RAB35: variants seen among roughly 807,000 people sequenced by gnomAD.
RAB35 encodes the protein RAB35, member RAS oncogene family, also known as ras-related protein Rab-35.
RAB35 carries 4 observed loss-of-function variants against 28.9 expected under a neutral mutation model. The ratio of observed to expected loss-of-function variants is 0.14; its 90% confidence interval spans 0.07 to 0.32. The LOEUF (loss-of-function observed/expected upper bound fraction) is 0.32. Ranked by LOEUF, RAB35 falls within the 10% of genes least tolerant of loss-of-function variation. The probability of loss-of-function intolerance (pLI) is 1.00; values close to 1 mark genes in which losing one functional copy is unlikely to be tolerated. For missense variants in RAB35, 128 were observed against 274.0 expected (o/e 0.47, Z 3.76); for synonymous variants, 99 against 105.1 (o/e 0.94, Z 0.35).
chr12:120,099,373 A>C, intron 3 of RAB35: 1 of 612,626 alleles, frequency 1.6e-6, no homozygotes, highest in Non-Finnish European at 2.8e-6. Context: ...CGGGGCACCA[A>C]CAGGGCGGGA....
rs1419839490 is a variant in RAB35, at chr12:120,097,384, G to C, written c.478-11C>G. 20 of 1,605,022 alleles carry C rather than the reference G, an allele frequency of 1.2e-5. No homozygotes were observed. Among genetic ancestry groups the C allele is most frequent in the Non-Finnish European group, 1.5e-5 (18 of 1,175,146 alleles). ...GATGCAGTTGAACATCTGTGGAGAGGAAAGAGGAAGGGCCCGCCTCAGACC... is the reference window on the plus strand; with the variant it reads ...GATGCAGTTGAACATCTGTGGAGAGCAAAGAGGAAGGGCCCGCCTCAGACC... On this transcript the variant is annotated splice_polypyrimidine_tract_variant and intron_variant, in intron 5 of 5. Coordinates refer to ENST00000229340, the MANE Select transcript of RAB35 (RefSeq NM_006861.7).
Position 120,096,224 on chromosome 12 carries a change from C to A in RAB35, c.*1021G>T. The stretch of plus-strand genomic sequence containing the variant: ...CAACTCGGACAAGGGTGGGAGGCCC[C>A]TTCTCCGCTCCCACCAAGAAAGCCC... On this transcript the variant is annotated 3_prime_UTR_variant, in exon 6 of 6. Transcript: ENST00000229340. 1 of 385,876 alleles carries A rather than the reference C, an allele frequency of 2.6e-6. No individual in the cohort carries two copies. The highest frequency in any genetic ancestry group is 4.7e-6 in the Non-Finnish European group (1 of 210,676). The allele number at this position is 385,876 out of a possible 1,614,324, so 23.9% of individuals were successfully genotyped here. A position where few individuals can be genotyped will look rare whatever the true frequency, so the allele number is the denominator to read the frequency against.
At chr12:120,108,127 C>T (rs764995694) in intron 2 of RAB35, among the ~76,000 whole-genome samples, 6 of 152,040 alleles carry the variant, frequency 3.9e-5, no homozygotes, top group African/African-American at 7.2e-5. Context: ...GACTGTGTCC[C>T]GGGTGGCACC....
At chr12:120,104,465 G>A (rs1594240853) in intron 2 of RAB35, among the ~76,000 whole-genome samples, 1 of 152,212 alleles carries the variant, frequency 6.6e-6, no homozygotes, top group Admixed American at 6.5e-5. Flanking sequence ...GTCACATGAG[G>A]TCAAGCCTGC....
At position 120,116,660 on chromosome 12, in the gene RAB35, G is replaced by T. The variant is rs1304522418; in HGVS notation, c.-10C>A. The stretch of plus-strand genomic sequence containing the variant: ...CGTAGTCCCGGGCCATGGCGGGCGG[G>T]GGCGGTGCGCGCGGGCGGGCGGGGT... On this transcript the variant is annotated 5_prime_UTR_variant, in exon 1 of 6. Coordinates refer to ENST00000229340, the MANE Select transcript of RAB35 (RefSeq NM_006861.7). 4 of 1,224,432 alleles carry T rather than the reference G, an allele frequency of 3.3e-6. No individual in the cohort carries two copies. In the African/African-American group the frequency reaches 6.2e-5, roughly 19 times the overall value. 75.8% of individuals were successfully genotyped at this position (1,224,432 alleles called of 1,614,324 possible).
chr12:120,112,623 C>A (rs888980524), intron 1 of RAB35, among the ~76,000 whole-genome samples: 10 of 150,934 alleles, frequency 6.6e-5, no homozygotes, highest in African/African-American at 1.7e-4. Flanking sequence ...TGAGACAGGG[C>A]CTCCCTATGT....
rs1875758237 is a variant in RAB35 at position 120,103,840 on chromosome 12, G to A, written c.213C>T (p.Arg71=). The part of the protein sequence containing the change: ...IWDTAGQERF[R]TITSTYYRGT... ...TGTGGACTCACGTGGAGGTGATGGT[G>A]CGGAAGCGCTCCTGCCCCGCTGTGT... Residue 71 remains arginine, a synonymous_variant, in exon 3 of 6, where the codon CGC becomes CGT. Transcript: ENST00000229340. The surrounding 1 kb of genome is among the most constrained non-coding windows in gnomAD (Gnocchi z 6.1). 1 of 1,613,966 alleles carries A rather than the reference G, an allele frequency of 6.2e-7. No homozygotes were observed. The highest frequency in any genetic ancestry group is 1.3e-5 in the African/African-American group (1 of 74,932).
Position 120,096,466 on chromosome 12 carries a change from TA to T in RAB35, c.*778del, listed in dbSNP as rs1366164058. The T allele has an allele frequency of 1.6e-6, 2 of 1,289,782 alleles. No homozygotes were observed. Among genetic ancestry groups the T allele is most frequent in the African/African-American group, 3.0e-5 (2 of 65,910 alleles). The allele number at this position is 1,289,782 out of a possible 1,614,324, so 79.9% of individuals were successfully genotyped here. A position where few individuals can be genotyped will look rare whatever the true frequency, so the allele number is the denominator to read the frequency against. On this transcript the variant is annotated 3_prime_UTR_variant, in exon 6 of 6. Coordinates refer to ENST00000229340, the MANE Select transcript of RAB35 (RefSeq NM_006861.7). ...TGCCAGCCCCATCTCTGCACGAACC[TA>T]CCCCGACCTTTCTGTTGGAACTGAA... is the stretch of plus-strand genomic sequence containing the variant.
Position 120,097,060 on chromosome 12 carries a change from T to A in RAB35, c.*185A>T, listed in dbSNP as rs1289041682. ...GCACCAGTAGGGAAGGGCGGGCTGG[T>A]CCAACACCTTCTTGGCACTCGAGGA... On this transcript the variant is annotated 3_prime_UTR_variant, in exon 6 of 6. Transcript: ENST00000229340. 2 of 1,534,676 alleles carry A rather than the reference T, an allele frequency of 1.3e-6. No homozygotes were observed. Among genetic ancestry groups the A allele is most frequent in the Admixed American group, 2.0e-5 (1 of 51,128 alleles).
chr12:120,111,212 G>T (rs553454373), intron 1 of RAB35, among the ~76,000 whole-genome samples: 2 of 152,342 alleles, frequency 1.3e-5, no homozygotes, highest in African/African-American at 4.8e-5. Flanking sequence ...CACAGCAGGC[G>T]CCTAAGCAGG....
At chr12:120,114,643 A>G (rs1876256217) in intron 1 of RAB35, among the ~76,000 whole-genome samples, 2 of 152,194 alleles carry the variant, frequency 1.3e-5, no homozygotes, top group Non-Finnish European at 2.9e-5. Flanking sequence ...TGCACAACCT[A>G]CGCCTACATG....
chr12:120,104,667 A>G (rs1215538960), intron 2 of RAB35, among the ~76,000 whole-genome samples: 2 of 151,920 alleles, frequency 1.3e-5, no homozygotes, highest in Non-Finnish European at 2.9e-5. Flanking sequence ...GGGGGGGGAC[A>G]GCGTCTCATT....
At position 120,095,543 on chromosome 12, in the gene RAB35, A is replaced by C. The variant is rs1875342806; in HGVS notation, c.*1702T>G. On this transcript the variant is annotated 3_prime_UTR_variant, in exon 6 of 6. Transcript: ENST00000229340. Reference sequence around the variant, plus strand: ...GCCCGTGGCCAACCAGGACAGTCCCAAGGACGGAGACCCCGCTTCTGCTCC... The same window carrying C: ...GCCCGTGGCCAACCAGGACAGTCCCCAGGACGGAGACCCCGCTTCTGCTCC... The C allele has an allele frequency of 6.6e-6, 1 of 151,580 alleles. No homozygotes were observed. Among genetic ancestry groups the C allele is most frequent in the Non-Finnish European group, 1.5e-5 (1 of 68,070 alleles). The allele number at this position is 151,580 out of a possible 1,614,324, so 9.4% of individuals were successfully genotyped here.
rs895224371 is a variant in RAB35, at chr12:120,097,256, G to A, written c.595C>T (p.Arg199Cys). 1.9e-6 allele frequency: 3 copies of A among 1,613,970 alleles called. No homozygotes were observed. In the African/African-American group the frequency reaches 4.0e-5, roughly 22 times the overall value. ...TGGACTGGGTGCCATTAGCAGCAGC[G>A]TTTCTTTCGTTTACTGTTCTTCGTG... ...KLTKNSKRKKRCC is the reference protein window; with the variant it reads ...KLTKNSKRKKCCC The change falls in exon 6 of 6, where the codon CGC becomes TGC. Residue 199 changes from arginine to cysteine, a missense_variant. Coordinates refer to ENST00000229340, the MANE Select transcript of RAB35 (RefSeq NM_006861.7).
intron 1 of RAB35, among the ~76,000 whole-genome samples, chr12:120,109,356 G>C (rs1876019411): frequency 6.6e-6 from 1 of 152,186 alleles, no homozygotes; most frequent in Non-Finnish European, 1.5e-5. Flanking sequence ...GGGAGACTGA[G>C]GCAGGAGAAG....
intron 2 of RAB35, among the ~76,000 whole-genome samples, chr12:120,107,075 C>T (rs903225095): frequency 6.6e-6 from 1 of 151,868 alleles, no homozygotes; most frequent in African/African-American, 2.4e-5. Context: ...TGCAACCTCC[C>T]TCTCCCGGAT....
At chr12:120,102,108 G>A (rs1333162532) in intron 3 of RAB35, among the ~76,000 whole-genome samples, 6 of 152,160 alleles carry the variant, frequency 3.9e-5, no homozygotes, top group South Asian at 2.1e-4. Flanking sequence ...GCAGGGCCTC[G>A]GCAGACTCAG....
At position 120,097,169 on chromosome 12, in the gene RAB35, G is replaced by C; in HGVS notation, c.*76C>G. On this transcript the variant is annotated 3_prime_UTR_variant, in exon 6 of 6. Transcript: ENST00000229340. ...TAAATAACGGCACGAAACTGAGACT[G>C]TCCCCCGAGGAACCTCCGTGGGCCT... 2 of 1,612,900 alleles carry C rather than the reference G, an allele frequency of 1.2e-6. No homozygotes were observed. Among genetic ancestry groups the C allele is most frequent in the Non-Finnish European group, 1.7e-6 (2 of 1,179,542 alleles).
Position 120,097,382 on chromosome 12 carries a change from AG to A in RAB35, c.478-10del, listed in dbSNP as rs759281311. Reference sequence around the variant, plus strand: ...GTGATGCAGTTGAACATCTGTGGAGAGGAAAGAGGAAGGGCCCGCCTCAGAC... The same window carrying A: ...GTGATGCAGTTGAACATCTGTGGAGAGAAAGAGGAAGGGCCCGCCTCAGAC... On this transcript the variant is annotated splice_polypyrimidine_tract_variant and intron_variant, in intron 5 of 5. Transcript: ENST00000229340. 1.2e-6 allele frequency: 2 copies of A among 1,605,736 alleles called. No homozygotes were observed.
Sources: allele counts gnomAD v4.1 joint callset (sites outside exome capture counted in the v4.1 genomes callset), GRCh38; gene constraint gnomAD v4.1.1; non-coding constraint Gnocchi (gnomAD v3.1); transcripts MANE v1.5; gene names NCBI Gene and HGNC (gene_info 2026-07-23, HGNC 2026-07-21).